ZNF3: variants seen among roughly 807,000 people sequenced by gnomAD.
ZNF3 encodes the protein C2-H2 type zinc finger protein.
A neutral mutation model predicts 36.9 loss-of-function variants in ZNF3; 16 were observed. The ratio of observed to expected loss-of-function variants is 0.43; its 90% CI spans 0.29 to 0.66. The LOEUF (loss-of-function observed/expected upper bound fraction) is 0.66. Ranked by LOEUF, ZNF3 falls within the 30% of genes least tolerant of loss-of-function variation. The pLI, the probability that ZNF3 is intolerant of heterozygous loss-of-function variation, is 0.13. For synonymous variants in ZNF3, 201 were observed against 201.9 expected (o/e 1.00, Z 0.04); for missense variants, 462 against 543.1 (o/e 0.85, Z 1.48).
chr7:100,065,574 A>G (rs1428083992), downstream of ZNF3, among the ~76,000 whole-genome samples: 4 of 152,076 alleles, frequency 2.6e-5, no homozygotes, highest in African/African-American at 9.7e-5. Context: ...TTTTTACAGA[A>G]GCCATACAGA....
chr7:100,076,853 A>C (rs949386276), intron 3 of ZNF3, among the ~76,000 whole-genome samples: 2 of 152,162 alleles, frequency 1.3e-5, no homozygotes, highest in African/African-American at 4.8e-5. Context: ...TGGGAGGCCA[A>C]GGTGGGCACT....
chr7:100,065,999 C>G (rs1362823583), downstream of ZNF3, among the ~76,000 whole-genome samples: 1 of 150,282 alleles, frequency 6.7e-6, no homozygotes, highest in Non-Finnish European at 1.5e-5. Context: ...AGCCACAGGT[C>G]CTTTGGGGAA....
At chr7:100,066,173 C>T (rs1422112353), downstream of ZNF3, among the ~76,000 whole-genome samples, 2 of 152,092 alleles carry the variant, frequency 1.3e-5, no homozygotes, top group Non-Finnish European at 2.9e-5. Context: ...TTCTCATCAA[C>T]TCTTGGGATT....
At chr7:100,066,393 TAGTG>T (rs957801936), downstream of ZNF3, among the ~76,000 whole-genome samples, 1 of 151,184 alleles carries the variant, frequency 6.6e-6, no homozygotes, top group Non-Finnish European at 1.5e-5. Context: ...CTGGGCAACA[TAGTG>T]AGATCCCATC....
intron 1 of ZNF3, among the ~76,000 whole-genome samples, chr7:100,080,830 C>T (rs1055926287): frequency 1.3e-5 from 2 of 152,156 alleles, no homozygotes; most frequent in African/African-American, 4.8e-5. Context: ...AAAAAAAGAG[C>T]TTCAATAACA....
At chr7:100,077,500 A>G in intron 2 of ZNF3, 67 bp from the exon 3 acceptor site, 1 of 1,475,128 alleles carries the variant, frequency 6.8e-7, no homozygotes, top group Middle Eastern at 1.9e-4. Context: ...GAAAGATGGG[A>G]GCTAGTATTT....
At chr7:100,079,724 CAG>C (rs1794698593) in intron 1 of ZNF3, 68 bp from the exon 2 acceptor site, 1 of 151,724 alleles carries the variant, frequency 6.6e-6, no homozygotes, top group Admixed American at 6.6e-5. Context: ...TTCCATGAGA[CAG>C]GGTCTGACTC....
chr7:100,063,889 A>G (rs1441697452), downstream of ZNF3: 1 of 1,614,174 alleles, frequency 6.2e-7, no homozygotes, highest in African/African-American at 1.3e-5. Context: ...TATCGCCAAT[A>G]AACCTGAGGC....
At chr7:100,064,532 G>A (rs755979446) in exon 6 of ZNF3, 29 of 1,614,084 alleles carry the variant, frequency 1.8e-5, no homozygotes, top group Non-Finnish European at 2.4e-5. Context: ...CCCTACTGGT[G>A]TCATCACTGT....
Position 100,070,264 on chromosome 7 carries a change from G to C in ZNF3, c.*879C>G. The C allele has an allele frequency of 1.0e-6, 1 of 985,574 alleles. No individual in the cohort carries two copies. The highest frequency in any genetic ancestry group is 1.2e-6 in the Non-Finnish European group (1 of 830,064). The allele number at this position is 985,574 out of a possible 1,614,324, so 61.1% of individuals were successfully genotyped here. On this transcript the variant is annotated 3_prime_UTR_variant, in exon 6 of 6. Transcript: ENST00000299667. ...AGGCAGGAGTGGTCTGGCTCCTGGGGCTGGGTGTCAGAGGTGAGAGGGCAG... is the reference window on the plus strand; with the variant it reads ...AGGCAGGAGTGGTCTGGCTCCTGGGCCTGGGTGTCAGAGGTGAGAGGGCAG...
At chr7:100,075,359 G>GA in intron 4 of ZNF3, 98 bp from the exon 5 acceptor site, 1 of 1,589,800 alleles carries the variant, frequency 6.3e-7, no homozygotes, top group Non-Finnish European at 8.6e-7. Context: ...GCACATTTGG[G>GA]AAGGGAGGAA....
Position 100,071,893 on chromosome 7 carries a change from G to A in ZNF3, c.591C>T (p.Asp197=). Residue 197 remains aspartate, a synonymous_variant, in exon 6 of 6, where the codon GAC becomes GAT. Coordinates refer to ENST00000299667, the MANE Select transcript of ZNF3 (RefSeq NM_032924.5). ...LISHQRLPVG[D]RPHKCDECSK... ...TACATTCATCACACTTATGGGGTCT[G>A]TCTCCCACGGGGAGTCTCTGATGTG... 6.2e-7 allele frequency: 1 copy of A among 1,614,216 alleles called. No individual in the cohort carries two copies. Among genetic ancestry groups the A allele is most frequent in the Non-Finnish European group, 8.5e-7 (1 of 1,180,044 alleles).
chr7:100,073,728 T>TAGAGAAGGGGAGCAGAGAAGC (rs1793595673), intron 5 of ZNF3, among the ~76,000 whole-genome samples: 1 of 151,810 alleles, frequency 6.6e-6, no homozygotes, highest in Non-Finnish European at 1.5e-5. Context: ...CCCTAGAAGT[T>TAGAGAAGGGGAGCAGAGAAGC]AGAGAAGGGG....
At chr7:100,068,341 A>G (rs537719841), downstream of ZNF3, among the ~76,000 whole-genome samples, 17 of 151,832 alleles carry the variant, frequency 1.1e-4, no homozygotes, top group South Asian at 3.6e-3. Context: ...TGGCCTCCCA[A>G]AGTGCTGGGA....
exon 6 of ZNF3, chr7:100,064,189 C>A (rs1226250841): frequency 6.2e-7 from 1 of 1,614,102 alleles, no homozygotes; most frequent in Non-Finnish European, 8.5e-7. Flanking sequence ...GGTGGACCGG[C>A]CCTATGACTG....
chr7:100,077,424 TGAG>T lies in ZNF3; in HGVS notation c.-70_-68del, dbSNP rs1794302497. On this transcript the variant is annotated 5_prime_UTR_variant, in exon 3 of 6. Coordinates refer to ENST00000299667, the MANE Select transcript of ZNF3 (RefSeq NM_032924.5). ...GCGGGAAGCGGGTTTTAAAAGAGAA[TGAG>T]GAAGCACTGCAGAAGCAAAAGTTCA... 3 of 1,611,950 alleles carry T rather than the reference TGAG, an allele frequency of 1.9e-6. No homozygotes were observed. In the South Asian group the frequency reaches 3.3e-5, roughly 18 times the overall value.
exon 6 of ZNF3, chr7:100,064,689 T>TGCA (rs1227607796): frequency 6.2e-7 from 1 of 1,605,894 alleles, no homozygotes; most frequent in Non-Finnish European, 8.5e-7. Flanking sequence ...GTCTTGTCAT[T>TGCA]GCAGCAGCAT....
chr7:100,072,329 G>T, intron 5 of ZNF3, 117 bp from the exon 6 acceptor site: 2 of 951,212 alleles, frequency 2.1e-6, no homozygotes, highest in African/African-American at 3.3e-5. Context: ...CCTACAAAGA[G>T]GCCTGCCCCA....
chr7:100,069,644 G>A (rs183978171), downstream of ZNF3, among the ~76,000 whole-genome samples: 13 of 149,034 alleles, frequency 8.7e-5, no homozygotes, highest in East Asian at 1.6e-3. Flanking sequence ...ATGGAGTTTC[G>A]CTTTTCTTGC....
Sources: allele counts gnomAD v4.1 joint callset (sites outside exome capture counted in the v4.1 genomes callset), GRCh38; gene constraint gnomAD v4.1.1; transcripts MANE v1.5; gene names NCBI Gene and HGNC (gene_info 2026-07-23, HGNC 2026-07-21).